Variants in PCNX4 observed in about 807,000 individuals in gnomAD.
PCNX4 encodes pecanex-like protein 4.
In PCNX4, 103 loss-of-function variants were observed where a neutral mutation model predicts 107.2. The observed-to-expected ratio is 0.96, with a 90% CI of 0.82 to 1.13. The LOEUF (loss-of-function observed/expected upper bound fraction) is 1.13, where lower values mean the gene tolerates loss of function less well. PCNX4 is among the 50% of genes most tolerant of loss of function. PCNX4 has a pLI of 0.00. For synonymous variants in PCNX4, 541 were observed against 481.7 expected (o/e 1.12, Z -1.61); for missense variants, 1,528 against 1,379.4 (o/e 1.11, Z -1.71).
At chr14:60,133,747 T>C (rs1262564389) in intron 10 of PCNX4, 3 of 640,562 alleles carry the variant, frequency 4.7e-6, no homozygotes, top group Non-Finnish European at 8.4e-6. Context: ...TTGAGATGGC[T>C]GCCAGGAAAC....
rs1896365997 is a variant in PCNX4 at position 60,145,123 on chromosome 14, A to T, written c.*10902A>T. Reference sequence around the variant, plus strand: ...GCTGTATCATTATGATTCACTATTAAGAATCTTTACAAAAGTTCAGAAACT... The same window carrying T: ...GCTGTATCATTATGATTCACTATTATGAATCTTTACAAAAGTTCAGAAACT... On this transcript the variant is annotated 3_prime_UTR_variant, in exon 11 of 11. Transcript: ENST00000406854. This position sits in a 1 kb window ranked among gnomAD's most constrained non-coding sequence, Gnocchi z 4.0. 1 of 742,640 alleles carries T rather than the reference A, an allele frequency of 1.3e-6. No homozygotes were observed. The allele number at this position is 742,640 out of a possible 1,614,324, so 46.0% of individuals were successfully genotyped here.
Position 60,140,186 on chromosome 14 carries a change from C to A in PCNX4, c.*5965C>A, listed in dbSNP as rs1483537234. ...CAATATCAGGAATGAAAGGATATTA[C>A]AAATCCTAGAGTCATCTGACAAAAT... On this transcript the variant is annotated 3_prime_UTR_variant, in exon 11 of 11. Coordinates refer to ENST00000406854, the MANE Select transcript of PCNX4 (RefSeq NM_001330177.2). This position sits in a 1 kb window ranked among gnomAD's most constrained non-coding sequence, Gnocchi z 4.2. The A allele has an allele frequency of 1.3e-5, 2 of 152,096 alleles. No individual in the cohort carries two copies. The highest frequency in any genetic ancestry group is 2.9e-5 in the Non-Finnish European group (2 of 67,992). The allele number at this position is 152,096 out of a possible 1,614,324, so 9.4% of individuals were successfully genotyped here. A position where few individuals can be genotyped will look rare whatever the true frequency, so the allele number is the denominator to read the frequency against.
At chr14:60,126,000 C>A in intron 10 of PCNX4, 177 bp downstream of exon 10, 1 of 439,518 alleles carries the variant, frequency 2.3e-6, no homozygotes, top group Middle Eastern at 6.4e-4. Flanking sequence ...TCTAGAATAG[C>A]TGATTTCTCT....
At chr14:60,128,056 A>C (rs1896087681) in intron 10 of PCNX4, among the ~76,000 whole-genome samples, 1 of 152,214 alleles carries the variant, frequency 6.6e-6, no homozygotes, top group Non-Finnish European at 1.5e-5. Context: ...AATCCAAAGA[A>C]GAGAAAAGAA....
chr14:60,106,157 G>T (rs958505536), intron 1 of PCNX4, among the ~76,000 whole-genome samples: 2 of 152,120 alleles, frequency 1.3e-5, no homozygotes, highest in South Asian at 2.1e-4. Context: ...CTGTAGTTCT[G>T]TTATTTTGTG....
At chr14:60,123,572 C>G (rs1895993759) in intron 8 of PCNX4, among the ~76,000 whole-genome samples, 1 of 152,034 alleles carries the variant, frequency 6.6e-6, no homozygotes, top group African/African-American at 2.4e-5. Context: ...TCAAGTGATT[C>G]CTTCTAAGGA....
Position 60,147,498 on chromosome 14 carries a change from T to C in PCNX4, c.*13277T>C, listed in dbSNP as rs549070785. ...TCACAATGTATACCTTAAATATATATAATTTTTATGTGTCAATTATAAAGA... is the reference window on the plus strand; with the variant it reads ...TCACAATGTATACCTTAAATATATACAATTTTTATGTGTCAATTATAAAGA... On this transcript the variant is annotated 3_prime_UTR_variant, in exon 11 of 11. Transcript: ENST00000406854. 1.3e-5 allele frequency: 2 copies of C among 152,282 alleles called. No individual in the cohort carries two copies. Among genetic ancestry groups the C allele is most frequent in the South Asian group, 4.1e-4 (2 of 4,832 alleles). 9.4% of individuals were successfully genotyped at this position (152,282 alleles called of 1,614,324 possible). A position where few individuals can be genotyped will look rare whatever the true frequency, so the allele number is the denominator to read the frequency against.
rs1465319565 is a variant in PCNX4, at chr14:60,141,323, GA to G, written c.*7107del. 6.6e-6 allele frequency: 1 copy of G among 151,890 alleles called. No homozygotes were observed. The highest frequency in any genetic ancestry group is 2.4e-5 in the African/African-American group (1 of 41,364). The allele number at this position is 151,890 out of a possible 1,614,324, so 9.4% of individuals were successfully genotyped here. A position where few individuals can be genotyped will look rare whatever the true frequency, so the allele number is the denominator to read the frequency against. Reference sequence around the variant, plus strand: ...GCAGAAATCAATGAAACTGCAAATAGAAAAATACATAAACAAAAAACTGGTT... The same window carrying G: ...GCAGAAATCAATGAAACTGCAAATAGAAAATACATAAACAAAAAACTGGTT... On this transcript the variant is annotated 3_prime_UTR_variant, in exon 11 of 11. Coordinates refer to ENST00000406854, the MANE Select transcript of PCNX4 (RefSeq NM_001330177.2).
intron 6 of PCNX4, among the ~76,000 whole-genome samples, chr14:60,117,922 C>G (rs1008001984): frequency 1.3e-5 from 2 of 152,126 alleles, no homozygotes; most frequent in African/African-American, 4.8e-5. Flanking sequence ...CAGCTTCTCT[C>G]TGTGGGTAGT....
At chr14:60,097,744 C>G (rs1234735366) in intron 1 of PCNX4, among the ~76,000 whole-genome samples, 1 of 152,234 alleles carries the variant, frequency 6.6e-6, no homozygotes, top group Non-Finnish European at 1.5e-5. Flanking sequence ...CCTGGGCCCT[C>G]TCCTAATAAT....
At chr14:60,132,660 G>T (rs1449285181) in intron 10 of PCNX4, among the ~76,000 whole-genome samples, 1 of 151,750 alleles carries the variant, frequency 6.6e-6, no homozygotes, top group Non-Finnish European at 1.5e-5. Flanking sequence ...CATCAAAAAA[G>T]TAAAAAGACA....
chr14:60,099,340 T>C (rs1895487051), intron 1 of PCNX4, among the ~76,000 whole-genome samples: 2 of 152,344 alleles, frequency 1.3e-5, no homozygotes, highest in East Asian at 1.9e-4. Flanking sequence ...AAATACTTTT[T>C]AGGAATATGG....
chr14:60,102,645 A>G (rs1361599401), intron 1 of PCNX4, among the ~76,000 whole-genome samples: 1 of 152,110 alleles, frequency 6.6e-6, no homozygotes, highest in Non-Finnish European at 1.5e-5. Context: ...TAGTGTTGTG[A>G]TGTCATCTTT....
intron 8 of PCNX4, among the ~76,000 whole-genome samples, chr14:60,122,536 A>G (rs187826588): frequency 6.6e-6 from 1 of 152,068 alleles, no homozygotes; most frequent in Admixed American, 6.6e-5. Flanking sequence ...TCCTATGGCC[A>G]TCATATTTAA....
At chr14:60,114,288 T>C (rs1595168993) in intron 2 of PCNX4, among the ~76,000 whole-genome samples, 1 of 152,246 alleles carries the variant, frequency 6.6e-6, no homozygotes, top group South Asian at 2.1e-4. Flanking sequence ...TTTAAAACTC[T>C]GAAGAATCAT....
chr14:60,123,479 A>G (rs1895992261), intron 8 of PCNX4, among the ~76,000 whole-genome samples: 1 of 149,700 alleles, frequency 6.7e-6, no homozygotes, highest in Admixed American at 6.6e-5. Flanking sequence ...AGGCACTGAC[A>G]CCTTTGTAAA....
intron 2 of PCNX4, among the ~76,000 whole-genome samples, chr14:60,112,870 T>G (rs1165785273): frequency 1.3e-5 from 2 of 152,236 alleles, no homozygotes; most frequent in African/African-American, 2.4e-5. Context: ...TGTTAATGTT[T>G]TGCTCATTAA....
chr14:60,116,538 C>G (rs963997383), intron 6 of PCNX4, among the ~76,000 whole-genome samples: 2 of 152,132 alleles, frequency 1.3e-5, no homozygotes, highest in African/African-American at 4.8e-5. Flanking sequence ...TCATTACTCA[C>G]GTGTTTGTGG....
At chr14:60,119,855 C>T (rs1256111468) in intron 7 of PCNX4, among the ~76,000 whole-genome samples, 1 of 152,104 alleles carries the variant, frequency 6.6e-6, no homozygotes, top group Admixed American at 6.6e-5. Flanking sequence ...TTTGACACTA[C>T]CAAGTATTGG....
Sources: gnomAD v4.1 joint callset for allele counts (sites outside exome capture counted in the v4.1 genomes callset) on GRCh38, gnomAD v4.1.1 for gene constraint, Gnocchi (gnomAD v3.1) non-coding constraint, MANE v1.5 for transcripts, NCBI Gene and HGNC (gene_info 2026-07-23, HGNC 2026-07-21) for gene names.